Variants in MEGF11 observed in about 807,000 individuals in gnomAD.
The protein encoded by MEGF11 is multiple EGF like domains 11, also known as multiple epidermal growth factor-like domains protein 11.
MEGF11 carries 126 observed loss-of-function variants against 146.6 expected under a neutral mutation model. The ratio of observed to expected loss-of-function variants is 0.86; its 90% CI spans 0.74 to 1.00. The LOEUF is 1.00. MEGF11 is among the 50% of genes least tolerant of loss of function. The pLI is 0.00. For missense variants in MEGF11, 1,509 were observed against 1,521.2 expected, an observed-to-expected ratio of 0.99 and a Z score of 0.13; for synonymous variants, 532 against 583.4, an observed-to-expected ratio of 0.91 and a Z score of 1.27.
At chr15:65,981,466 C>T (rs2081636244) in intron 6 of MEGF11, among the ~76,000 whole-genome samples, 1 of 152,116 alleles carries the variant, frequency 6.6e-6, no homozygotes, top group Non-Finnish European at 1.5e-5. Context: ...GGCCTTCATC[C>T]AATGGCCCTG....
At chr15:66,038,099 C>T (rs961466535) in intron 5 of MEGF11, among the ~76,000 whole-genome samples, 10 of 152,290 alleles carry the variant, frequency 6.6e-5, no homozygotes, top group Admixed American at 2.6e-4. Flanking sequence ...GAAAAGGAGA[C>T]AAGCCCAGAA....
At chr15:66,202,409 T>A (rs907467549) in intron 1 of MEGF11, among the ~76,000 whole-genome samples, 1 of 152,140 alleles carries the variant, frequency 6.6e-6, no homozygotes, top group Non-Finnish European at 1.5e-5. Flanking sequence ...CATGCTAAGG[T>A]TGGGCTCCGT....
intron 10 of MEGF11, among the ~76,000 whole-genome samples, chr15:65,940,142 T>G (rs333541): frequency 0.99 from 150,998 of 152,256 alleles, 74,883 homozygotes; most frequent in East Asian, 1. Flanking sequence ...GGCTAGTCCC[T>G]CCCTACTTCC....
At chr15:65,911,833 AG>A (rs1387499715) in intron 21 of MEGF11, among the ~76,000 whole-genome samples, 2 of 152,254 alleles carry the variant, frequency 1.3e-5, no homozygotes, top group Non-Finnish European at 2.9e-5. Context: ...CACAGGGTAC[AG>A]GGGTATATGT....
intron 1 of MEGF11, among the ~76,000 whole-genome samples, chr15:66,139,202 C>A (rs547073201): frequency 6.6e-6 from 1 of 152,264 alleles, no homozygotes; most frequent in African/African-American, 2.4e-5. Flanking sequence ...CCTGGAGGAG[C>A]AAGAAGCTCA....
chr15:65,979,193 C>T (rs1182984498), intron 7 of MEGF11, among the ~76,000 whole-genome samples: 3 of 152,100 alleles, frequency 2.0e-5, no homozygotes, highest in African/African-American at 4.8e-5. Flanking sequence ...TGCCTCAGAA[C>T]CATCTGGGGA....
chr15:66,105,905 G>T (rs546244792), intron 4 of MEGF11, among the ~76,000 whole-genome samples: 9 of 152,360 alleles, frequency 5.9e-5, no homozygotes, highest in Non-Finnish European at 1.2e-4. Flanking sequence ...CTGCCTTTCA[G>T]TTGCCGCCAC....
At chr15:66,193,547 G>C (rs2090934137) in intron 1 of MEGF11, among the ~76,000 whole-genome samples, 1 of 151,906 alleles carries the variant, frequency 6.6e-6, no homozygotes, top group African/African-American at 2.4e-5. Context: ...GAACTTCAAG[G>C]GTCCACTTAC....
intron 10 of MEGF11, among the ~76,000 whole-genome samples, chr15:65,956,720 A>G (rs1012781435): frequency 4.6e-5 from 7 of 152,238 alleles, no homozygotes; most frequent in Admixed American, 2.0e-4. Context: ...AAACCTCATA[A>G]AGACCAGCAT....
intron 4 of MEGF11, among the ~76,000 whole-genome samples, chr15:66,109,140 G>A (rs141968382): frequency 2.6e-5 from 4 of 152,238 alleles, no homozygotes; most frequent in Non-Finnish European, 4.4e-5. Flanking sequence ...CCAGCCGCCA[G>A]ACCCCAGGTC....
At chr15:66,191,985 G>A (rs2090894978) in intron 1 of MEGF11, among the ~76,000 whole-genome samples, 1 of 152,116 alleles carries the variant, frequency 6.6e-6, no homozygotes, top group Non-Finnish European at 1.5e-5. Context: ...GGCTGAGACA[G>A]GAGAATTGCT....
intron 1 of MEGF11, among the ~76,000 whole-genome samples, chr15:66,145,732 G>A (rs963179557): frequency 1.3e-5 from 2 of 152,334 alleles, no homozygotes; most frequent in Non-Finnish European, 2.9e-5. Context: ...GCTCCATGTT[G>A]TGGTTAAGGA....
chr15:66,049,868 C>T (rs767478257), intron 5 of MEGF11, among the ~76,000 whole-genome samples: 2 of 152,184 alleles, frequency 1.3e-5, no homozygotes, highest in Admixed American at 6.5e-5. Flanking sequence ...ATAGTCACGG[C>T]GTCTAGCCCA....
At chr15:66,015,452 C>T (rs1179063534) in intron 5 of MEGF11, among the ~76,000 whole-genome samples, 1 of 152,180 alleles carries the variant, frequency 6.6e-6, no homozygotes, top group Non-Finnish European at 1.5e-5. Context: ...AGTTTTTGAC[C>T]ATTCACTGTG....
chr15:66,210,413 G>A (rs575897529), intron 1 of MEGF11, among the ~76,000 whole-genome samples: 111 of 152,236 alleles, frequency 7.3e-4, no homozygotes, highest in African/African-American at 2.6e-3. Context: ...GCCTTGCCTG[G>A]GAATGACAGC....
chr15:66,006,691 C>A (rs943338955), intron 5 of MEGF11, among the ~76,000 whole-genome samples: 3 of 152,180 alleles, frequency 2.0e-5, no homozygotes, highest in Admixed American at 1.3e-4. Context: ...GTCTATATCC[C>A]AGGAATAAGA....
At chr15:66,079,589 C>A (rs1366828901) in intron 5 of MEGF11, among the ~76,000 whole-genome samples, 1 of 148,818 alleles carries the variant, frequency 6.7e-6, no homozygotes, top group African/African-American at 2.5e-5. Flanking sequence ...CCCTGTACAG[C>A]CAGTGTTCCA....
chr15:66,095,582 AAAC>A lies in MEGF11; in HGVS notation c.302-1091_302-1089del, dbSNP rs376155646. Among the ~76,000 whole-genome samples the A allele has an allele frequency of 2.1e-4, 32 of 152,330 alleles. No homozygotes were observed. In the East Asian group the frequency reaches 5.0e-3, roughly 24 times the overall value. ...CCCACTGGGAAGATGCTGTTGGGTTAAACAACAAGGCTCATTTTATGGCTGATG... is the reference window on the plus strand; with the variant it reads ...CCCACTGGGAAGATGCTGTTGGGTTAAACAAGGCTCATTTTATGGCTGATG... On this transcript the variant is annotated intron_variant, in intron 4 of 25. Coordinates refer to ENST00000395614, the MANE Select transcript of MEGF11 (RefSeq NM_001385028.1).
At chr15:66,197,645 A>G (rs971502126) in intron 1 of MEGF11, among the ~76,000 whole-genome samples, 3 of 151,802 alleles carry the variant, frequency 2.0e-5, no homozygotes, top group African/African-American at 7.3e-5. Flanking sequence ...GATGGTCTCA[A>G]TCTCCTGACC....
Sources: allele counts gnomAD v4.1 joint callset (sites outside exome capture counted in the v4.1 genomes callset), GRCh38; gene constraint gnomAD v4.1.1; transcripts MANE v1.5; gene names NCBI Gene and HGNC (gene_info 2026-07-23, HGNC 2026-07-21).